MYO10: variants seen among roughly 807,000 people sequenced by gnomAD.
The protein encoded by MYO10 is myosin X, also known as unconventional myosin-X.
In MYO10, 133 loss-of-function variants were observed where a neutral mutation model predicts 257.3. The observed-to-expected ratio is 0.52, with a 90% confidence interval of 0.45 to 0.60. The LOEUF (loss-of-function observed/expected upper bound fraction) is 0.60. Ranked by LOEUF, MYO10 falls within the 20% of genes least tolerant of loss-of-function variation. The pLI, the probability that MYO10 is intolerant of heterozygous loss-of-function variation, is 0.00. For missense variants in MYO10, 2,399 were observed against 2,635.7 expected (o/e 0.91, Z 1.97); for synonymous variants, 1,104 against 1,028.6 (o/e 1.07, Z -1.40).
At chr5:16,710,777 A>G in intron 21 of MYO10, 131 bp downstream of exon 21, 1 of 742,862 alleles carries the variant, frequency 1.3e-6, no homozygotes, top group South Asian at 1.8e-5. Context: ...TATGGTAGGC[A>G]TGGCAACAGG....
At chr5:16,810,438 A>G (rs759823271) in intron 3 of MYO10, among the ~76,000 whole-genome samples, 8 of 152,048 alleles carry the variant, frequency 5.3e-5, no homozygotes, top group Admixed American at 5.2e-4. Flanking sequence ...TTCTCATCTC[A>G]GCCATATCAC....
chr5:16,811,514 A>G (rs1160237564), intron 3 of MYO10, among the ~76,000 whole-genome samples: 1 of 152,076 alleles, frequency 6.6e-6, no homozygotes, highest in Non-Finnish European at 1.5e-5. Flanking sequence ...ATCTTCATGT[A>G]TGGTGTTCAC....
intron 19 of MYO10, among the ~76,000 whole-genome samples, chr5:16,734,792 C>A (rs114548327): frequency 1.3e-5 from 2 of 148,988 alleles, no homozygotes; most frequent in East Asian, 3.9e-4. Flanking sequence ...GTGACAAGCA[C>A]GAAACTCTGT....
At chr5:16,859,498 T>G (rs1207257694) in intron 2 of MYO10, among the ~76,000 whole-genome samples, 1 of 152,148 alleles carries the variant, frequency 6.6e-6, no homozygotes, top group African/African-American at 2.4e-5. Context: ...ATAATCCCAG[T>G]GCTTTGGGAG....
chr5:16,734,856 G>A (rs1739727206), intron 19 of MYO10, among the ~76,000 whole-genome samples: 1 of 150,508 alleles, frequency 6.6e-6, no homozygotes, highest in African/African-American at 2.4e-5. Flanking sequence ...TGATGACTAT[G>A]ACTGCTGTTT....
At chr5:16,867,860 T>C (rs926654918) in intron 2 of MYO10, among the ~76,000 whole-genome samples, 3 of 152,248 alleles carry the variant, frequency 2.0e-5, no homozygotes, top group East Asian at 1.9e-4. Context: ...TTGTTGCAAA[T>C]AGAGAGAAGG....
At chr5:16,717,190 AG>A in intron 19 of MYO10, among the ~76,000 whole-genome samples, 1 of 152,232 alleles carries the variant, frequency 6.6e-6, no homozygotes, top group Non-Finnish European at 1.5e-5. Flanking sequence ...TAAGTCTCAA[AG>A]AGCTTTGCGT....
intron 9 of MYO10, among the ~76,000 whole-genome samples, chr5:16,771,301 G>A (rs1442318349): frequency 1.3e-5 from 2 of 152,014 alleles, no homozygotes; most frequent in Admixed American, 6.6e-5. Flanking sequence ...ACAAAGATTA[G>A]TAGAAAAGAG....
intron 2 of MYO10, among the ~76,000 whole-genome samples, chr5:16,828,926 C>T (rs1743084078): frequency 6.6e-6 from 1 of 152,002 alleles, no homozygotes; most frequent in Non-Finnish European, 1.5e-5. Context: ...CATTACTTTT[C>T]ATTTATTTAC....
intron 19 of MYO10, among the ~76,000 whole-genome samples, chr5:16,729,285 T>G (rs943497243): frequency 6.6e-6 from 1 of 152,220 alleles, no homozygotes; most frequent in Non-Finnish European, 1.5e-5. Context: ...GAAAGTGTCC[T>G]TATTTAAATT....
At chr5:16,915,572 G>A (rs964100453) in intron 1 of MYO10, among the ~76,000 whole-genome samples, 6 of 152,184 alleles carry the variant, frequency 3.9e-5, no homozygotes, top group Non-Finnish European at 7.3e-5. Flanking sequence ...GCAATGGCAG[G>A]CCAATCAGAG....
At chr5:16,805,958 C>G (rs1228949856) in intron 3 of MYO10, among the ~76,000 whole-genome samples, 1 of 152,062 alleles carries the variant, frequency 6.6e-6, no homozygotes, top group African/African-American at 2.4e-5. Flanking sequence ...TTTCACACCC[C>G]CAAAAAATCA....
intron 14 of MYO10, 44 bp downstream of exon 14, chr5:16,763,437 C>G (rs1425147527): frequency 1.4e-6 from 2 of 1,474,638 alleles, no homozygotes; most frequent in African/African-American, 2.8e-5. Flanking sequence ...ATCAGTCCAG[C>G]TGGACCCCCT....
intron 28 of MYO10, among the ~76,000 whole-genome samples, chr5:16,686,045 A>G (rs186570205): frequency 6.6e-6 from 1 of 152,328 alleles, no homozygotes; most frequent in Non-Finnish European, 1.5e-5. Context: ...GTGCTATATT[A>G]TGTTCTAACT....
At chr5:16,737,582 T>C (rs1316764190) in intron 19 of MYO10, among the ~76,000 whole-genome samples, 5 of 152,266 alleles carry the variant, frequency 3.3e-5, no homozygotes, top group Admixed American at 1.3e-4. Context: ...ACAAATGCTA[T>C]ATAACAAGTT....
rs1736100857 is a variant in MYO10, at chr5:16,665,130, G to A, written c.*1562C>T. 6.6e-6 allele frequency: 1 copy of A among 151,592 alleles called. No individual in the cohort carries two copies. The allele number at this position is 151,592 out of a possible 1,614,324, so 9.4% of individuals were successfully genotyped here. A position where few individuals can be genotyped will look rare whatever the true frequency, so the allele number is the denominator to read the frequency against. ...AGGCAGGAGAATCGCTAGAACCCAG[G>A]AGGCAGAGGCTGCAGTGAGCCGAGA... On this transcript the variant is annotated 3_prime_UTR_variant, in exon 41 of 41. Coordinates refer to ENST00000513610, the MANE Select transcript of MYO10 (RefSeq NM_012334.3).
chr5:16,670,131 C>T (rs1240933247), intron 39 of MYO10, among the ~76,000 whole-genome samples: 1 of 152,172 alleles, frequency 6.6e-6, no homozygotes, highest in Non-Finnish European at 1.5e-5. Context: ...AGACATTCTT[C>T]CTTTCAAACA....
intron 1 of MYO10, among the ~76,000 whole-genome samples, chr5:16,910,965 A>G (rs949770811): frequency 6.6e-6 from 1 of 152,180 alleles, no homozygotes; most frequent in Non-Finnish European, 1.5e-5. Flanking sequence ...ATAAAAAAAA[A>G]GACATTAAGT....
intron 29 of MYO10, among the ~76,000 whole-genome samples, chr5:16,684,751 A>T (rs539563109): frequency 1.4e-4 from 22 of 152,340 alleles, no homozygotes; most frequent in African/African-American, 5.3e-4. Context: ...GAAGACAAAG[A>T]ATACAATTTG....
Sources: gnomAD v4.1 joint callset for allele counts (sites outside exome capture counted in the v4.1 genomes callset) on GRCh38, gnomAD v4.1.1 for gene constraint, MANE v1.5 for transcripts, NCBI Gene and HGNC (gene_info 2026-07-23, HGNC 2026-07-21) for gene names.